Variants in ROBO2 observed in about 807,000 individuals in gnomAD.
ROBO2 encodes roundabout guidance receptor 2.
ROBO2 carries 53 observed loss-of-function variants against 160.8 expected under a neutral mutation model. That is an observed-to-expected ratio of 0.33 (90% CI 0.26 to 0.41). The LOEUF is 0.41. Ranked by LOEUF, ROBO2 falls within the 10% of genes least tolerant of loss-of-function variation. ROBO2 has a pLI of 1.00. For synonymous variants in ROBO2, 664 were observed against 611.7 expected (o/e 1.09, Z -1.26); for missense variants, 1,577 against 1,722.4 (o/e 0.92, Z 1.49).
chr3:77,406,828 T>A (rs570080784), intron 2 of ROBO2, among the ~76,000 whole-genome samples: 1 of 152,330 alleles, frequency 6.6e-6, no homozygotes, highest in East Asian at 1.9e-4. Context: ...TTTATGCTTC[T>A]TTGTAGCAAT....
chr3:77,421,828 T>C (rs756979735), intron 2 of ROBO2, among the ~76,000 whole-genome samples: 1 of 152,180 alleles, frequency 6.6e-6, no homozygotes, highest in African/African-American at 2.4e-5. Flanking sequence ...AGAAATTTTA[T>C]TATAATGAAC....
At chr3:77,331,284 A>G (rs2065938102) in intron 2 of ROBO2, among the ~76,000 whole-genome samples, 1 of 152,226 alleles carries the variant, frequency 6.6e-6, no homozygotes, top group African/African-American at 2.4e-5. Context: ...GAATTCATCA[A>G]TGCCATCTTA....
intron 2 of ROBO2, among the ~76,000 whole-genome samples, chr3:77,004,334 T>A (rs2061476240): frequency 6.6e-6 from 1 of 152,188 alleles, no homozygotes; most frequent in African/African-American, 2.4e-5. Flanking sequence ...GAAAGAGGTA[T>A]AAAGAAAATC....
At chr3:77,282,803 A>G (rs2060327518) in intron 2 of ROBO2, among the ~76,000 whole-genome samples, 1 of 152,092 alleles carries the variant, frequency 6.6e-6, no homozygotes, top group Non-Finnish European at 1.5e-5. Flanking sequence ...TGGGGGTCTA[A>G]TCAATTAATT....
At position 77,577,631 on chromosome 3, in the gene ROBO2, G is replaced by C; in HGVS notation, c.2328+17G>C. 6.2e-7 allele frequency: 1 copy of C among 1,612,926 alleles called. No homozygotes were observed. Among genetic ancestry groups the C allele is most frequent in the Non-Finnish European group, 8.5e-7 (1 of 1,179,292 alleles). On this transcript the variant is annotated intron_variant, in intron 15 of 25. Coordinates refer to ENST00000461745, the Ensembl canonical transcript of ROBO2. Reference sequence around the variant, plus strand: ...GAATACAAGGTAGGACCCGGGTGAAGAAGGACAGCTCTCATGTAAAGGTTC... The same window carrying C: ...GAATACAAGGTAGGACCCGGGTGAACAAGGACAGCTCTCATGTAAAGGTTC...
intron 2 of ROBO2, among the ~76,000 whole-genome samples, chr3:77,192,650 CTT>C (rs71629633): frequency 6.4e-5 from 7 of 109,994 alleles, no homozygotes; most frequent in Non-Finnish European, 1.2e-4. Context: ...AACACAATTC[CTT>C]TTTTTTTTTT....
chr3:76,277,920 GT>G (rs961707493), intron 2 of ROBO2, among the ~76,000 whole-genome samples: 1 of 150,282 alleles, frequency 6.7e-6, no homozygotes, highest in African/African-American at 2.4e-5. Flanking sequence ...GAAAGTTACA[GT>G]TTTTTGTTTT....
At chr3:77,115,202 T>C (rs2074078992) in intron 2 of ROBO2, among the ~76,000 whole-genome samples, 1 of 152,150 alleles carries the variant, frequency 6.6e-6, no homozygotes, top group African/African-American at 2.4e-5. Context: ...AATTTAGTTT[T>C]AGTACTTTAA....
In ROBO2 at chr3:76,143,957, C is replaced by CA. The variant is rs1336333117; in HGVS notation, c.109+206355_109+206356insA. Among the ~76,000 whole-genome samples, 7 of 148,562 alleles carry CA rather than the reference C, an allele frequency of 4.7e-5. No homozygotes were observed. In the East Asian group the frequency reaches 1.4e-3, roughly 29 times the overall value. The stretch of plus-strand genomic sequence containing the variant: ...GAGACAAAATTCTCTCTTATTCTGC[C>CA]TTTTTTTTTTCTATTCAGGCCTTTA... On this transcript the variant is annotated intron_variant, in intron 2 of 26. Transcript: ENST00000487694.
At chr3:76,083,976 C>T (rs2068923372) in intron 2 of ROBO2, among the ~76,000 whole-genome samples, 1 of 152,022 alleles carries the variant, frequency 6.6e-6, no homozygotes, top group African/African-American at 2.4e-5. Context: ...GGCCACTTAC[C>T]TGCTCTTAGT....
At chr3:75,993,180 G>C (rs2065623627) in intron 2 of ROBO2, among the ~76,000 whole-genome samples, 1 of 152,062 alleles carries the variant, frequency 6.6e-6, no homozygotes, top group African/African-American at 2.4e-5. Context: ...GAGGGTCCAG[G>C]GGCCGAATTA....
intron 2 of ROBO2, among the ~76,000 whole-genome samples, chr3:76,979,422 G>T (rs1019334271): frequency 6.6e-6 from 1 of 151,996 alleles, no homozygotes; most frequent in African/African-American, 2.4e-5. Context: ...GTATGACCAT[G>T]TGTACACTCA....
intron 2 of ROBO2, among the ~76,000 whole-genome samples, chr3:76,268,753 T>C (rs1265859027): frequency 9.2e-5 from 14 of 152,158 alleles, no homozygotes. Context: ...TCCTCCTCTC[T>C]TCAATTTAAT....
intron 17 of ROBO2, among the ~76,000 whole-genome samples, chr3:77,593,993 G>T (rs1012826913): frequency 6.6e-6 from 1 of 151,838 alleles, no homozygotes; most frequent in African/African-American, 2.4e-5. Context: ...CCTTCATCCC[G>T]GTGATTGGTT....
chr3:77,244,952 C>CTT (rs11449199), intron 2 of ROBO2, among the ~76,000 whole-genome samples: 45,563 of 145,096 alleles, frequency 0.31, 8,280 homozygotes, highest in East Asian at 0.79. Context: ...AAATGAACAG[C>CTT]TTTTTTTTTT....
At chr3:77,626,066 T>C (rs1262332250) in intron 23 of ROBO2, among the ~76,000 whole-genome samples, 1 of 152,174 alleles carries the variant, frequency 6.6e-6, no homozygotes, top group Admixed American at 6.5e-5. Flanking sequence ...ATCCCTGCTC[T>C]GGAAACACAC....
chr3:77,629,483 C>G (rs1051018664), intron 23 of ROBO2: 7 of 152,028 alleles, frequency 4.6e-5, no homozygotes, highest in African/African-American at 1.7e-4. Context: ...TTTTAGAAAA[C>G]AAATCACTGG....
intron 2 of ROBO2, among the ~76,000 whole-genome samples, chr3:76,266,014 G>A (rs573041601): frequency 6.6e-6 from 1 of 152,266 alleles, no homozygotes; most frequent in Admixed American, 6.6e-5. Flanking sequence ...AATATAAGAT[G>A]CTGGAAATTG....
At chr3:76,628,875 TAG>T (rs1201215452) in intron 2 of ROBO2, among the ~76,000 whole-genome samples, 1 of 152,226 alleles carries the variant, frequency 6.6e-6, no homozygotes, top group Non-Finnish European at 1.5e-5. Context: ...TTTTGAAATA[TAG>T]TCAATTATGT....
Sources: allele counts gnomAD v4.1 joint callset (sites outside exome capture counted in the v4.1 genomes callset), GRCh38; gene constraint gnomAD v4.1.1; transcripts MANE v1.5; gene names NCBI Gene and HGNC (gene_info 2026-07-23, HGNC 2026-07-21).